Variants in TRPC6 observed in about 807,000 individuals in gnomAD.
TRPC6 encodes the protein transient receptor potential cation channel subfamily C member 6.
Under a neutral mutation model 90.7 loss-of-function variants are expected in TRPC6, and 55 were observed. The observed-to-expected ratio is 0.61, with a 90% CI of 0.49 to 0.76. The LOEUF (loss-of-function observed/expected upper bound fraction) is 0.76, where lower values mean the gene tolerates loss of function less well. Ranked by LOEUF, TRPC6 falls within the 30% of genes least tolerant of loss-of-function variation. The pLI, the probability that TRPC6 is intolerant of heterozygous loss-of-function variation, is 0.00. For missense variants in TRPC6, 989 were observed against 1,122.7 expected, an observed-to-expected ratio of 0.88 and a Z score of 1.70; for synonymous variants, 393 against 393.0, an observed-to-expected ratio of 1.00 and a Z score of 0.00.
chr11:101,572,264 G>GA (rs143869544), intron 1 of TRPC6, among the ~76,000 whole-genome samples: 54 of 151,100 alleles, frequency 3.6e-4, no homozygotes, highest in Non-Finnish European at 3.1e-4. Context: ...ACAAACATAT[G>GA]AAAAAAAAAC....
intron 1 of TRPC6, among the ~76,000 whole-genome samples, 180 bp from the exon 2 acceptor site, chr11:101,504,978 G>A (rs141113555): frequency 2.0e-4 from 31 of 152,248 alleles, no homozygotes; most frequent in Non-Finnish European, 3.5e-4. Context: ...AGAACTTCAC[G>A]TCTAAGAAAG....
At chr11:101,505,790 G>A (rs183756255) in intron 1 of TRPC6, among the ~76,000 whole-genome samples, 3 of 152,202 alleles carry the variant, frequency 2.0e-5, no homozygotes, top group Middle Eastern at 3.4e-3. Context: ...CAAGGTGGGC[G>A]AATCACTTGC....
chr11:101,508,114 A>G (rs187202656), intron 1 of TRPC6, among the ~76,000 whole-genome samples: 290 of 152,146 alleles, frequency 1.9e-3, no homozygotes, highest in Non-Finnish European at 3.2e-3. Context: ...CTGCTTTTAA[A>G]GGCACAAACA....
Sources: gnomAD v4.1 joint callset for allele counts (sites outside exome capture counted in the v4.1 genomes callset) on GRCh38, gnomAD v4.1.1 for gene constraint, MANE v1.5 for transcripts, NCBI Gene and HGNC (gene_info 2026-07-23, HGNC 2026-07-21) for gene names.